Variants in PPM1F observed in about 807,000 individuals in gnomAD.
PPM1F encodes protein phosphatase, Mg2+/Mn2+ dependent 1F, also known as protein phosphatase 1F.
A neutral mutation model predicts 35.5 loss-of-function variants in PPM1F; 17 were observed. That is an observed-to-expected ratio of 0.48 (90% CI 0.33 to 0.72). PPM1F has a LOEUF of 0.72. Among genes scored for constraint, PPM1F ranks in the 30% least tolerant of loss-of-function variants. PPM1F has a pLI of 0.02. For missense variants in PPM1F, 521 were observed against 613.0 expected, an observed-to-expected ratio of 0.85 and a Z score of 1.59; for synonymous variants, 241 against 255.5, an observed-to-expected ratio of 0.94 and a Z score of 0.54.
chr22:21,933,610 C>G, intron 4 of PPM1F, 31 bp from the exon 5 acceptor site: 1 of 1,587,862 alleles, frequency 6.3e-7, no homozygotes, highest in Non-Finnish European at 8.6e-7. Context: ...GTCACAGACC[C>G]GCGGGACCCA....
chr22:21,935,718 C>G (rs1601785248), intron 3 of PPM1F: 1 of 152,196 alleles, frequency 6.6e-6, no homozygotes, highest in African/African-American at 2.4e-5. Flanking sequence ...AACAAACAGG[C>G]TGGGCGCCAT....
intron 3 of PPM1F, 37 bp from the exon 4 acceptor site, chr22:21,934,263 C>T (rs1469418594): frequency 6.6e-7 from 1 of 1,523,200 alleles, no homozygotes; most frequent in Admixed American, 2.0e-5. Flanking sequence ...AGGGAAGTGC[C>T]AACCAAGCCA....
rs2070429094 is a variant in PPM1F at position 21,919,996 on chromosome 22, TTC to T, written c.*3094_*3095del. On this transcript the variant is annotated 3_prime_UTR_variant, in exon 8 of 8. Coordinates refer to ENST00000263212, the MANE Select transcript of PPM1F (RefSeq NM_014634.4). ...TCTGAGGCTGGGACTGCCTCTGGGA[TTC>T]TGAGGGACTGCCCTCCACCCCTGCA... 1 of 152,250 alleles carries T rather than the reference TTC, an allele frequency of 6.6e-6. No individual in the cohort carries two copies. The highest frequency in any genetic ancestry group is 1.5e-5 in the Non-Finnish European group (1 of 68,056). The allele number at this position is 152,250 out of a possible 1,614,324, so 9.4% of individuals were successfully genotyped here.
rs770076181 is a variant in PPM1F, at chr22:21,931,308, C to T, written c.748-17G>A. ...CTGCAGCCGCTGCAGGGAGAGAGGG[C>T]CCATGAGAGTTGAGAGGAGGTAGGG... On this transcript the variant is annotated splice_polypyrimidine_tract_variant and intron_variant, in intron 5 of 7. Transcript: ENST00000263212. 6.2e-7 allele frequency: 1 copy of T among 1,608,342 alleles called. No homozygotes were observed. The highest frequency in any genetic ancestry group is 1.7e-5 in the Admixed American group (1 of 59,950).
intron 6 of PPM1F, among the ~76,000 whole-genome samples, chr22:21,927,457 C>T (rs1160138093): frequency 2.0e-5 from 3 of 152,226 alleles, no homozygotes; most frequent in East Asian, 3.8e-4. Context: ...TTCTGTCTCC[C>T]ACACACCCCA....
chr22:21,934,286 C>A (rs2070632545), intron 3 of PPM1F, 60 bp from the exon 4 acceptor site: 1 of 1,435,612 alleles, frequency 7.0e-7, no homozygotes. Context: ...TGAGGCCTCG[C>A]TGGCTCCCTG....
rs893567497 is a variant in PPM1F at position 21,919,812 on chromosome 22, G to C, written c.*3280C>G. On this transcript the variant is annotated 3_prime_UTR_variant, in exon 8 of 8. Coordinates refer to ENST00000263212, the MANE Select transcript of PPM1F (RefSeq NM_014634.4). ...ACGAGGCTAGGCCTAAGAAGGGCCAGAGCTGTCCTCCCAGCCCTGGGAACA... is the reference window on the plus strand; with the variant it reads ...ACGAGGCTAGGCCTAAGAAGGGCCACAGCTGTCCTCCCAGCCCTGGGAACA... The C allele has an allele frequency of 2.6e-5, 4 of 152,348 alleles. No individual in the cohort carries two copies. The allele number at this position is 152,348 out of a possible 1,614,324, so 9.4% of individuals were successfully genotyped here. A position where few individuals can be genotyped will look rare whatever the true frequency, so the allele number is the denominator to read the frequency against.
intron 3 of PPM1F, chr22:21,936,810 C>T (rs1013697638): frequency 6.6e-6 from 1 of 152,232 alleles, no homozygotes; most frequent in Non-Finnish European, 1.5e-5. Flanking sequence ...AGACCCTGGA[C>T]CAGAACCAGC....
chr22:21,930,987 C>T (rs547761637), intron 6 of PPM1F, among the ~76,000 whole-genome samples, 161 bp downstream of exon 6: 6 of 152,320 alleles, frequency 3.9e-5, no homozygotes, highest in African/African-American at 7.2e-5. Context: ...GAAGGGCTCA[C>T]GTGGGACCCC....
At chr22:21,940,473 C>CAA (rs749859056) in intron 2 of PPM1F, 7,638 of 130,030 alleles carry the variant, frequency 0.059, 257 homozygotes, top group South Asian at 0.13. Context: ...ATGCTGTCTC[C>CAA]AAAAAAAAAA....
chr22:21,927,937 GTTTTGTTTT>G lies in PPM1F; in HGVS notation c.892-2284_892-2276del, dbSNP rs1244829653. ...TCACTGATTCTTGATTCTGTTTTTT[GTTTTGTTTT>G]TTTTTTTTTTTTTTTTTTTTTTTTG... On this transcript the variant is annotated intron_variant, in intron 6 of 7. Coordinates refer to ENST00000263212, the MANE Select transcript of PPM1F (RefSeq NM_014634.4). Among the ~76,000 whole-genome samples the G allele has an allele frequency of 8.7e-4, 59 of 68,094 alleles. 1 individual carries two copies. The highest frequency in any genetic ancestry group is 7.1e-3 in the Middle Eastern group (1 of 140). 44.7% of individuals were successfully genotyped at this position (68,094 alleles called of 152,430 possible). A position where few individuals can be genotyped will look rare whatever the true frequency, so the allele number is the denominator to read the frequency against.
At chr22:21,926,423 C>T (rs936043909) in intron 6 of PPM1F, among the ~76,000 whole-genome samples, 3 of 152,168 alleles carry the variant, frequency 2.0e-5, no homozygotes, top group East Asian at 1.9e-4. Flanking sequence ...TGAGCCACCG[C>T]GCCTGGCCTA....
At chr22:21,940,097 G>T (rs2070708483) in intron 2 of PPM1F, among the ~76,000 whole-genome samples, 1 of 152,190 alleles carries the variant, frequency 6.6e-6, no homozygotes, top group Non-Finnish European at 1.5e-5. Context: ...TTTGGAAACA[G>T]GGTCATTACA....
intron 5 of PPM1F, among the ~76,000 whole-genome samples, chr22:21,932,108 G>A (rs571403269): frequency 1.6e-4 from 25 of 151,922 alleles, no homozygotes; most frequent in South Asian, 8.3e-4. Context: ...ATGAGCCACC[G>A]CGCCTGGCCA....
rs2070534238 is a variant in PPM1F at position 21,927,830 on chromosome 22, A to T, written c.892-2168T>A. Reference sequence around the variant, plus strand: ...CTCCAGTGGCTCCCACCTCCGTCACACACTGGCCAGGCTCAGTCTGGTCCG... The same window carrying T: ...CTCCAGTGGCTCCCACCTCCGTCACTCACTGGCCAGGCTCAGTCTGGTCCG... On this transcript the variant is annotated intron_variant, in intron 6 of 7. Coordinates refer to ENST00000263212, the MANE Select transcript of PPM1F (RefSeq NM_014634.4). 2.0e-5 allele frequency among the ~76,000 whole-genome samples: 3 copies of T among 151,322 alleles called. No homozygotes were observed. The South Asian group carries it at 6.3e-4, about 32-fold the overall frequency.
At chr22:21,927,232 G>A (rs1326187953) in intron 6 of PPM1F, among the ~76,000 whole-genome samples, 1 of 152,246 alleles carries the variant, frequency 6.6e-6, no homozygotes, top group East Asian at 1.9e-4. Context: ...CAAGAAGAGG[G>A]CAGGAGAAAG....
intron 7 of PPM1F, among the ~76,000 whole-genome samples, chr22:21,924,698 T>G (rs2070490535): frequency 6.6e-6 from 1 of 150,952 alleles, no homozygotes; most frequent in African/African-American, 2.4e-5. Context: ...GCCTCCCAAG[T>G]AACTGAGATT....
In PPM1F at chr22:21,922,902, C is replaced by A. The variant is rs779495750; in HGVS notation, c.*190G>T. On this transcript the variant is annotated 3_prime_UTR_variant, in exon 8 of 8. Transcript: ENST00000263212. ...CCTAAGCTGCCTTCCACCATCTGCC[C>A]GCCACCCAGTGCAGTTCCACAGCCA... 6 of 711,942 alleles carry A rather than the reference C, an allele frequency of 8.4e-6. 1 individual carries two copies. The highest frequency in any genetic ancestry group is 2.6e-5 in the East Asian group (1 of 38,556). The allele number at this position is 711,942 out of a possible 1,614,324, so 44.1% of individuals were successfully genotyped here.
intron 6 of PPM1F, among the ~76,000 whole-genome samples, chr22:21,926,422 G>A (rs541577481): frequency 1.3e-5 from 2 of 152,072 alleles, no homozygotes; most frequent in African/African-American, 2.4e-5. Context: ...GTGAGCCACC[G>A]CGCCTGGCCT....
Sources: gnomAD v4.1 joint callset for allele counts (sites outside exome capture counted in the v4.1 genomes callset) on GRCh38, gnomAD v4.1.1 for gene constraint, MANE v1.5 for transcripts, NCBI Gene and HGNC (gene_info 2026-07-23, HGNC 2026-07-21) for gene names.